The following SPECC1L variants were observed in gnomAD, a reference collection of about 807,000 sequenced individuals.
SPECC1L encodes the protein sperm antigen with calponin homology and coiled-coil domains 1 like.
A neutral mutation model predicts 116.8 loss-of-function variants in SPECC1L; 40 were observed. That is an observed-to-expected ratio of 0.34 (90% CI 0.27 to 0.45). SPECC1L has a LOEUF of 0.45. SPECC1L is among the 20% of genes least tolerant of loss of function. SPECC1L has a pLI of 1.00. For missense variants in SPECC1L, 1,110 were observed against 1,373.6 expected (o/e 0.81, Z 3.03); for synonymous variants, 504 against 500.6 (o/e 1.01, Z -0.09).
In SPECC1L at chr22:24,367,389, C is replaced by A. The variant is rs539496384; in HGVS notation, c.2984+1757C>A. On this transcript the variant is annotated intron_variant, in intron 13 of 16. Coordinates refer to ENST00000314328, the MANE Select transcript of SPECC1L (RefSeq NM_015330.6). Reference sequence around the variant, plus strand: ...CAGGACAGCTTTGAATGCGGCCCAACACAAATTTGTAAACTTTCTTAAAAT... The same window carrying A: ...CAGGACAGCTTTGAATGCGGCCCAAAACAAATTTGTAAACTTTCTTAAAAT... 2.6e-5 allele frequency among the ~76,000 whole-genome samples: 4 copies of A among 152,244 alleles called. No homozygotes were observed. In the East Asian group the frequency reaches 7.7e-4, roughly 29 times the overall value.
At chr22:24,336,544 T>G (rs1419017088) in intron 9 of SPECC1L, among the ~76,000 whole-genome samples, 1 of 152,130 alleles carries the variant, frequency 6.6e-6, no homozygotes, top group African/African-American at 2.4e-5. Context: ...ATAGCCACTG[T>G]ACTCTAGCCT....
At chr22:24,281,435 C>T (rs753104416) in intron 2 of SPECC1L, among the ~76,000 whole-genome samples, 3 of 152,200 alleles carry the variant, frequency 2.0e-5, no homozygotes, top group Non-Finnish European at 4.4e-5. Flanking sequence ...TCTCCTAACC[C>T]ATGACCATGG....
At chr22:24,310,603 G>C (rs1013730787) in intron 3 of SPECC1L, among the ~76,000 whole-genome samples, 9 of 150,870 alleles carry the variant, frequency 6.0e-5, no homozygotes, top group Non-Finnish European at 8.9e-5. Flanking sequence ...CATTTTCTCT[G>C]TGTGTGTGTG....
intron 2 of SPECC1L, among the ~76,000 whole-genome samples, chr22:24,301,677 A>G (rs534517621): frequency 4.6e-5 from 7 of 152,300 alleles, no homozygotes; most frequent in Non-Finnish European, 2.9e-5. Flanking sequence ...ATCATTGTAA[A>G]GTTGAAACAT....
chr22:24,292,236 G>C (rs916863563), intron 2 of SPECC1L, among the ~76,000 whole-genome samples: 1 of 152,194 alleles, frequency 6.6e-6, no homozygotes, highest in African/African-American at 2.4e-5. Context: ...ATGACAATAA[G>C]ATAAATTTAC....
chr22:24,271,522 G>C (rs1307152356), intron 1 of SPECC1L, among the ~76,000 whole-genome samples: 1 of 152,260 alleles, frequency 6.6e-6, no homozygotes, highest in Non-Finnish European at 1.5e-5. Flanking sequence ...TTTTTCTTGA[G>C]ACGTGGTTAA....
intron 9 of SPECC1L, among the ~76,000 whole-genome samples, chr22:24,335,892 A>G (rs2041044227): frequency 6.6e-6 from 1 of 152,032 alleles, no homozygotes; most frequent in Admixed American, 6.6e-5. Context: ...TATGTATAAT[A>G]CTATCTTTAC....
chr22:24,312,602 C>T (rs553675018), intron 3 of SPECC1L, among the ~76,000 whole-genome samples: 4 of 152,178 alleles, frequency 2.6e-5, no homozygotes, highest in East Asian at 3.9e-4. Flanking sequence ...GAAGTAAAAA[C>T]GTTTCTTCAC....
intron 6 of SPECC1L, 88 bp downstream of exon 6, chr22:24,324,515 G>T (rs1360912801): frequency 1.6e-6 from 2 of 1,230,080 alleles, no homozygotes; most frequent in Non-Finnish European, 2.3e-6. Flanking sequence ...ATAGGGCTGG[G>T]CACGGTGGCT....
At chr22:24,366,482 C>T (rs1475885772) in intron 13 of SPECC1L, among the ~76,000 whole-genome samples, 2 of 152,092 alleles carry the variant, frequency 1.3e-5, no homozygotes, top group African/African-American at 4.8e-5. Context: ...TGTGAGCCAC[C>T]GTGCCTGGCC....
At position 24,313,410 on chromosome 22, in the gene SPECC1L, C is replaced by T; in HGVS notation, c.251C>T (p.Pro84Leu). Residue 84 changes from proline to leucine, a missense_variant, in exon 4 of 17, where the codon CCT (proline) becomes CTT (leucine). Physicochemically the swap from Pro to Leu is moderately conservative, Grantham distance 98. Coordinates refer to ENST00000314328, the MANE Select transcript of SPECC1L (RefSeq NM_015330.6). ...GKKSTCPSAA[P>L]SASAPAMTTV... ...AAAAGCACCTGCCCATCTGCAGCAC[C>T]TTCAGCATCTGCCCCTGCCATGACC... 1 of 1,614,174 alleles carries T rather than the reference C, an allele frequency of 6.2e-7. No homozygotes were observed. The highest frequency in any genetic ancestry group is 1.3e-5 in the African/African-American group (1 of 75,054).
At chr22:24,411,114 G>A (rs1202574139) in intron 14 of SPECC1L, among the ~76,000 whole-genome samples, 2 of 152,104 alleles carry the variant, frequency 1.3e-5, no homozygotes, top group Admixed American at 6.5e-5. Flanking sequence ...ACTTGAACCC[G>A]GGAGGTAGAG....
chr22:24,359,283 G>A (rs530765494), intron 11 of SPECC1L, among the ~76,000 whole-genome samples: 2 of 152,086 alleles, frequency 1.3e-5, no homozygotes, highest in East Asian at 3.9e-4. Context: ...CCATGTCACC[G>A]AGTGCACTCC....
intron 6 of SPECC1L, among the ~76,000 whole-genome samples, chr22:24,325,610 C>T (rs5760342): frequency 0.025 from 3,770 of 150,706 alleles, 150 homozygotes; most frequent in South Asian, 0.12. Context: ...AATGTAGTGC[C>T]GGGGGCAGAA....
At chr22:24,407,708 C>T (rs2042619419) in intron 14 of SPECC1L, among the ~76,000 whole-genome samples, 1 of 152,210 alleles carries the variant, frequency 6.6e-6, no homozygotes, top group Non-Finnish European at 1.5e-5. Context: ...TCCCTTAGAC[C>T]TGGCTCTTTT....
At chr22:24,285,225 G>T (rs1018943134) in intron 2 of SPECC1L, among the ~76,000 whole-genome samples, 1 of 152,224 alleles carries the variant, frequency 6.6e-6, no homozygotes, top group Non-Finnish European at 1.5e-5. Context: ...CAAGATAGAA[G>T]AAAGTAAGTT....
chr22:24,276,777 G>A lies in SPECC1L; in HGVS notation c.-64G>A, dbSNP rs1316130247. On this transcript the variant is annotated 5_prime_UTR_variant, in exon 2 of 17. Transcript: ENST00000314328. Reference sequence around the variant, plus strand: ...CATGAGTTCCTGAGGCAGTCCGATGGGGCTACTTTATTCCAGAACAATCAC... The same window carrying A: ...CATGAGTTCCTGAGGCAGTCCGATGAGGCTACTTTATTCCAGAACAATCAC... 2.2e-6 allele frequency: 1 copy of A among 453,436 alleles called. No individual in the cohort carries two copies. Among genetic ancestry groups the A allele is most frequent in the Non-Finnish European group, 4.4e-6 (1 of 226,578 alleles). 28.1% of individuals were successfully genotyped at this position (453,436 alleles called of 1,614,324 possible).
chr22:24,303,885 G>T (rs963709947), intron 3 of SPECC1L, among the ~76,000 whole-genome samples: 1 of 145,962 alleles, frequency 6.9e-6, no homozygotes, highest in Non-Finnish European at 1.5e-5. Flanking sequence ...GTGTGTGTGT[G>T]TAGCAGGAAG....
At chr22:24,289,018 G>A (rs1280454694) in intron 2 of SPECC1L, among the ~76,000 whole-genome samples, 1 of 152,172 alleles carries the variant, frequency 6.6e-6, no homozygotes, top group Non-Finnish European at 1.5e-5. Flanking sequence ...TTTCACATCA[G>A]AGGTTGTTAT....
Sources: allele counts gnomAD v4.1 joint callset (sites outside exome capture counted in the v4.1 genomes callset), GRCh38; gene constraint gnomAD v4.1.1; transcripts MANE v1.5; gene names NCBI Gene and HGNC (gene_info 2026-07-23, HGNC 2026-07-21).